The following SKOR2 variants were observed in gnomAD, a reference collection of about 807,000 sequenced individuals.
The protein encoded by SKOR2 is LBX1 corepressor 1-like protein.
SKOR2 carries 47 observed loss-of-function variants against 69.1 expected under a neutral mutation model. The observed-to-expected ratio is 0.68, with a 90% CI of 0.54 to 0.87. The LOEUF is 0.87. Among genes scored for constraint, SKOR2 ranks in the 40% least tolerant of loss-of-function variants. The pLI is 0.00. For missense variants in SKOR2, 1,404 were observed against 1,472.2 expected (o/e 0.95, Z 0.76); for synonymous variants, 717 against 672.6 (o/e 1.07, Z -1.02).
In SKOR2 at chr18:47,248,896, C is replaced by T. The variant is rs758367173; in HGVS notation, c.288G>A (p.Pro96=). Residue 96 remains proline (P), a synonymous_variant, in exon 2 of 9, where the codon CCG becomes CCA. Transcript: ENST00000425639. This position sits in a 1 kb window ranked among gnomAD's most constrained non-coding sequence, Gnocchi z 6.4. The part of the protein sequence containing the change: ...ALGITCVQCT[P]VQLEILRRAG... ...CACGCCGCAGGATCTCCAGTTGCAC[C>T]GGCGTGCACTGCACACACGTGATGC... is the stretch of plus-strand genomic sequence containing the variant. The T allele has an allele frequency of 8.3e-6, 13 of 1,567,924 alleles. No individual in the cohort carries two copies. The highest frequency in any genetic ancestry group is 1.0e-5 in the Non-Finnish European group (12 of 1,164,202).
chr18:47,239,803 T>C (rs541198562), intron 4 of SKOR2, among the ~76,000 whole-genome samples: 1 of 152,330 alleles, frequency 6.6e-6, no homozygotes, highest in Non-Finnish European at 1.5e-5. Flanking sequence ...CAAAATACAT[T>C]GTACATAACT....
In SKOR2 at chr18:47,220,022, G is replaced by C. The variant is rs952403113; in HGVS notation, c.2918-12C>G. 3 of 1,530,638 alleles carry C rather than the reference G, an allele frequency of 2.0e-6. No homozygotes were observed. The highest frequency in any genetic ancestry group is 2.4e-5 in the East Asian group (1 of 40,860). The allele number at this position is 1,530,638 out of a possible 1,614,324, so 94.8% of individuals were successfully genotyped here. A position where few individuals can be genotyped will look rare whatever the true frequency, so the allele number is the denominator to read the frequency against. ...ATCCTGAAAATTATCTGGTAGGAGA[G>C]AGAGATAGAGAAAGATTAACTAAAG... is the stretch of plus-strand genomic sequence containing the variant. On this transcript the variant is annotated splice_polypyrimidine_tract_variant and intron_variant, in intron 6 of 8. Coordinates refer to ENST00000425639, the MANE Select transcript of SKOR2 (RefSeq NM_001278063.4).
Position 47,247,495 on chromosome 18 carries a change from G to T in SKOR2, c.1689C>A (p.Gly563=). Residue 563 remains glycine (G), a synonymous_variant, in exon 2 of 9, where the codon GGC becomes GGA. Transcript: ENST00000425639. This position sits in a 1 kb window ranked among gnomAD's most constrained non-coding sequence, Gnocchi z 6.6. ...CCGCGCTGCAGTCCCCGCCGCTGCCGCCCGGGGGCGACTCGAAGAGCGCGT... is the reference window on the plus strand; with the variant it reads ...CCGCGCTGCAGTCCCCGCCGCTGCCTCCCGGGGGCGACTCGAAGAGCGCGT... ...SRDALFESPP[G]GSGGDCSAGS... 1 of 1,208,768 alleles carries T rather than the reference G, an allele frequency of 8.3e-7. No individual in the cohort carries two copies. 74.9% of individuals were successfully genotyped at this position (1,208,768 alleles called of 1,614,324 possible). A position where few individuals can be genotyped will look rare whatever the true frequency, so the allele number is the denominator to read the frequency against.
Position 47,247,601 on chromosome 18 carries a change from G to A in SKOR2, c.1583C>T (p.Pro528Leu). Residue 528 changes from proline (P) to leucine (L), a missense_variant, in exon 2 of 9, where the codon CCG becomes CTG. Coordinates refer to ENST00000425639, the MANE Select transcript of SKOR2 (RefSeq NM_001278063.4). The surrounding 1 kb of genome is among the most constrained non-coding windows in gnomAD (Gnocchi z 6.6). ...GAAGSAEAAP[P>L]PGQPPQVVAN... The stretch of plus-strand genomic sequence containing the variant: ...CACTACCTGCGGGGGCTGCCCCGGC[G>A]GGGGCGCGGCCTCGGCGCTCCCAGC... 1 of 1,268,642 alleles carries A rather than the reference G, an allele frequency of 7.9e-7. No individual in the cohort carries two copies. The highest frequency in any genetic ancestry group is 9.9e-7 in the Non-Finnish European group (1 of 1,009,842). 78.6% of individuals were successfully genotyped at this position (1,268,642 alleles called of 1,614,324 possible).
At position 47,247,015 on chromosome 18, in the gene SKOR2, G is replaced by C; in HGVS notation, c.2169C>G (p.Ser723Arg). ...HRGLLSPGGT[S>R]CCYPSEDSSE... ...AGCTGTCCTCGCTGGGGTAGCAGCA[G>C]CTGGTTCCCCCGGGAGACAGAAGGC... The change falls in exon 2 of 9, where the codon AGC becomes AGG. Residue 723 changes from serine to arginine, a missense_variant. Ser to Arg is a moderately radical substitution (Grantham distance 110). Around this residue, in one of 3 missense-constraint regions of SKOR2, gnomAD observed 1,266 missense variants for 1,309.9 expected, o/e 0.97. Transcript: ENST00000425639. This position sits in a 1 kb window ranked among gnomAD's most constrained non-coding sequence, Gnocchi z 6.6. 6.7e-7 allele frequency: 1 copy of C among 1,491,210 alleles called. No homozygotes were observed. The highest frequency in any genetic ancestry group is 1.3e-5 in the South Asian group (1 of 79,448). The allele number at this position is 1,491,210 out of a possible 1,614,324, so 92.4% of individuals were successfully genotyped here.
At chr18:47,210,678 T>C (rs770426346) in intron 8 of SKOR2, among the ~76,000 whole-genome samples, 1 of 152,118 alleles carries the variant, frequency 6.6e-6, no homozygotes, top group Non-Finnish European at 1.5e-5. Context: ...AAAGTCAACT[T>C]CAGACTTAAT....
chr18:47,249,744 T>TG (rs1209031804), intron 1 of SKOR2, among the ~76,000 whole-genome samples: 1 of 152,204 alleles, frequency 6.6e-6, no homozygotes, highest in African/African-American at 2.4e-5. Context: ...ATGGTTTCCT[T>TG]GGGGAAATTC....
At chr18:47,216,736 T>C (rs941773802) in intron 7 of SKOR2, among the ~76,000 whole-genome samples, 4 of 152,180 alleles carry the variant, frequency 2.6e-5, no homozygotes, top group African/African-American at 9.7e-5. Context: ...CATTACAAAA[T>C]ATGATGGTTT....
At chr18:47,211,926 C>T (rs939428285) in intron 8 of SKOR2, among the ~76,000 whole-genome samples, 160 bp downstream of exon 8, 1 of 152,168 alleles carries the variant, frequency 6.6e-6, no homozygotes, top group Non-Finnish European at 1.5e-5. Flanking sequence ...TTTAGGAAGT[C>T]CCATCCCCAG....
At chr18:47,211,463 G>A (rs1279364320) in intron 8 of SKOR2, among the ~76,000 whole-genome samples, 1 of 152,144 alleles carries the variant, frequency 6.6e-6, no homozygotes, top group East Asian at 1.9e-4. Context: ...ACTTCGGTAT[G>A]TTCTGAATAT....
At chr18:47,224,452 G>A (rs994522044) in intron 6 of SKOR2, among the ~76,000 whole-genome samples, 3 of 152,148 alleles carry the variant, frequency 2.0e-5, no homozygotes, top group Non-Finnish European at 2.9e-5. Context: ...GCAATAAAAA[G>A]TATCTAGCCT....
chr18:47,206,772 C>G lies in SKOR2; in HGVS notation c.*124G>C, dbSNP rs2064114501. 1 of 152,138 alleles carries G rather than the reference C, an allele frequency of 6.6e-6. No individual in the cohort carries two copies. The allele number at this position is 152,138 out of a possible 1,614,324, so 9.4% of individuals were successfully genotyped here. Reference sequence around the variant, plus strand: ...TGAGGTCACTTGTCCTTAGGTTCTCCTGAACCTGATTTTGTATTTAATTCC... The same window carrying G: ...TGAGGTCACTTGTCCTTAGGTTCTCGTGAACCTGATTTTGTATTTAATTCC... On this transcript the variant is annotated 3_prime_UTR_variant, in exon 9 of 9. Coordinates refer to ENST00000425639, the MANE Select transcript of SKOR2 (RefSeq NM_001278063.4).
At chr18:47,223,594 T>C (rs1392451826) in intron 6 of SKOR2, among the ~76,000 whole-genome samples, 1 of 152,178 alleles carries the variant, frequency 6.6e-6, no homozygotes, top group Non-Finnish European at 1.5e-5. Flanking sequence ...AACATAACAG[T>C]ATATTTATAC....
rs111245748 is a variant in SKOR2 at position 47,246,696 on chromosome 18, C to T, written c.2488G>A (p.Gly830Ser). 13 of 1,462,418 alleles carry T rather than the reference C, an allele frequency of 8.9e-6. No homozygotes were observed. Among genetic ancestry groups the T allele is most frequent in the Non-Finnish European group, 1.2e-5 (13 of 1,120,668 alleles). 90.6% of individuals were successfully genotyped at this position (1,462,418 alleles called of 1,614,324 possible). ...LQEDGKLGDP[G>S]SDLPPPPPPP... Reference sequence around the variant, plus strand: ...GGCGGGGGCGGGGGCAGGTCCGAGCCGGGGTCCCCGAGTTTCCCGTCTTCC... The same window carrying T: ...GGCGGGGGCGGGGGCAGGTCCGAGCTGGGGTCCCCGAGTTTCCCGTCTTCC... Residue 830 changes from glycine to serine, a missense_variant, in exon 2 of 9, where the codon GGC becomes AGC. Coordinates refer to ENST00000425639, the MANE Select transcript of SKOR2 (RefSeq NM_001278063.4).
Position 47,248,128 on chromosome 18 carries a change from A to T in SKOR2, c.1056T>A (p.Ala352=), listed in dbSNP as rs1228188710. The T allele has an allele frequency of 1.5e-6, 2 of 1,294,378 alleles. No individual in the cohort carries two copies. Among genetic ancestry groups the T allele is most frequent in the Non-Finnish European group, 1.9e-6 (2 of 1,029,610 alleles). 80.2% of individuals were successfully genotyped at this position (1,294,378 alleles called of 1,614,324 possible). A position where few individuals can be genotyped will look rare whatever the true frequency, so the allele number is the denominator to read the frequency against. Residue 352 remains alanine, a synonymous_variant, in exon 2 of 9, where the codon GCT becomes GCA. Coordinates refer to ENST00000425639, the MANE Select transcript of SKOR2 (RefSeq NM_001278063.4). This position sits in a 1 kb window ranked among gnomAD's most constrained non-coding sequence, Gnocchi z 6.4. Reference sequence around the variant, plus strand: ...CCACGCCGGCCACACAGCCACCCCCAGCGCCGCCCCCACCAGTCCCCGCGC... The same window carrying T: ...CCACGCCGGCCACACAGCCACCCCCTGCGCCGCCCCCACCAGTCCCCGCGC... ...SGGAGTGGGG[A]GGGCVAGVGV...
chr18:47,248,327 G>A lies in SKOR2; in HGVS notation c.857C>T (p.Pro286Leu). Residue 286 changes from proline to leucine, a missense_variant, in exon 2 of 9, where the codon CCG (proline) becomes CTG (leucine). Physicochemically the swap from Pro to Leu is moderately conservative, Grantham distance 98. This residue lies in a region of SKOR2 where 1,266 missense variants were observed against 1,309.9 expected (regional missense o/e 0.97). Coordinates refer to ENST00000425639, the MANE Select transcript of SKOR2 (RefSeq NM_001278063.4). This position sits in a 1 kb window ranked among gnomAD's most constrained non-coding sequence, Gnocchi z 6.4. ...LLGPHLLGAP[P>L]PPPPPPPPLA... Reference sequence around the variant, plus strand: ...GGGCGGCGGTGGCGGCGGCGGCGGCGGGGGCGCACCCAGCAGGTGGGGGCC... The same window carrying A: ...GGGCGGCGGTGGCGGCGGCGGCGGCAGGGGCGCACCCAGCAGGTGGGGGCC... 8.3e-7 allele frequency: 1 copy of A among 1,199,280 alleles called. No individual in the cohort carries two copies. The highest frequency in any genetic ancestry group is 1.0e-6 in the Non-Finnish European group (1 of 969,210). 74.3% of individuals were successfully genotyped at this position (1,199,280 alleles called of 1,614,324 possible).
rs908890937 is a variant in SKOR2, at chr18:47,249,240, A to G, written c.-47-10T>C. ...AGGTCTGCCTTGGACACTGGAAGGGAAAGGAGAAAGCGTTGACTTGAGCCT... is the reference window on the plus strand; with the variant it reads ...AGGTCTGCCTTGGACACTGGAAGGGGAAGGAGAAAGCGTTGACTTGAGCCT... On this transcript the variant is annotated splice_polypyrimidine_tract_variant and intron_variant, in intron 1 of 8. Transcript: ENST00000425639. The G allele has an allele frequency of 6.0e-6, 9 of 1,488,614 alleles. No individual in the cohort carries two copies. Among genetic ancestry groups the G allele is most frequent in the Non-Finnish European group, 7.1e-6 (8 of 1,123,258 alleles). The allele number at this position is 1,488,614 out of a possible 1,614,324, so 92.2% of individuals were successfully genotyped here. A position where few individuals can be genotyped will look rare whatever the true frequency, so the allele number is the denominator to read the frequency against.
intron 4 of SKOR2, among the ~76,000 whole-genome samples, chr18:47,243,643 G>A (rs1421752506): frequency 6.6e-6 from 1 of 152,114 alleles, no homozygotes; most frequent in Non-Finnish European, 1.5e-5. Flanking sequence ...CATTGCCTTT[G>A]TGACTTTAGA....
Position 47,239,635 on chromosome 18 carries a change from AT to A in SKOR2, c.2752+5272del, listed in dbSNP as rs1179041483. Among the ~76,000 whole-genome samples the A allele has an allele frequency of 2.0e-5, 3 of 151,872 alleles. No individual in the cohort carries two copies. In the East Asian group the frequency reaches 5.8e-4, roughly 29 times the overall value. On this transcript the variant is annotated intron_variant, in intron 4 of 8. Coordinates refer to ENST00000425639, the MANE Select transcript of SKOR2 (RefSeq NM_001278063.4). The stretch of plus-strand genomic sequence containing the variant: ...TGGTCTTGTGAGTTAATGCTGTTTA[AT>A]TTTTTTTCCTGGACATTTTTTCATT...
Sources: allele counts gnomAD v4.1 joint callset (sites outside exome capture counted in the v4.1 genomes callset), GRCh38; gene constraint gnomAD v4.1.1; regional missense constraint gnomAD v4.1.1; non-coding constraint Gnocchi (gnomAD v3.1); transcripts MANE v1.5; gene names NCBI Gene and HGNC (gene_info 2026-07-23, HGNC 2026-07-21).